COL7A1: variants seen among roughly 807,000 people sequenced by gnomAD.
COL7A1 encodes the protein collagen type VII alpha 1 chain, also known as collagen alpha-1(VII) chain.
A neutral mutation model predicts 456.2 loss-of-function variants in COL7A1; 296 were observed. The observed-to-expected ratio is 0.65, with a 90% CI of 0.59 to 0.71. The LOEUF (loss-of-function observed/expected upper bound fraction) is 0.71, where lower values mean the gene tolerates loss of function less well. Among genes scored for constraint, COL7A1 ranks in the 30% least tolerant of loss-of-function variants. COL7A1 has a pLI of 0.00. For synonymous variants in COL7A1, 1,464 were observed against 1,525.9 expected, an observed-to-expected ratio of 0.96 and a Z score of 0.95; for missense variants, 3,441 against 4,017.2, an observed-to-expected ratio of 0.86 and a Z score of 3.88.
rs2045905846 is a variant in COL7A1 at position 48,594,166 on chromosome 3, G to A, written c.266+202C>T. Reference sequence around the variant, plus strand: ...GCACCTTCCTGTCTTGCAGTAGCCTGGAGGTGCCTCAGGGCACGAAGGTTC... The same window carrying A: ...GCACCTTCCTGTCTTGCAGTAGCCTAGAGGTGCCTCAGGGCACGAAGGTTC... On this transcript the variant is annotated intron_variant, in intron 3 of 118. Coordinates refer to ENST00000681320, the MANE Select transcript of COL7A1 (RefSeq NM_000094.4). The surrounding 1 kb of genome is among the most constrained non-coding windows in gnomAD (Gnocchi z 5.5). Among the ~76,000 whole-genome samples the A allele has an allele frequency of 1.3e-5, 2 of 152,226 alleles. No homozygotes were observed. Among genetic ancestry groups the A allele is most frequent in the Admixed American group, 1.3e-4 (2 of 15,290 alleles).
chr3:48,592,860 G>A lies in COL7A1; in HGVS notation c.761C>T (p.Ala254Val), dbSNP rs201916805. ...GTAGCCAGTCACAGGGCCACTGGCC[G>A]CTGTCCACTGTACTCTCAAGGATTG... The part of the protein sequence containing the change: ...SSQSLRVQWT[A>V]ASGPVTGYKV... Residue 254 changes from alanine to valine, a missense_variant, in exon 7 of 119, where the codon GCG (alanine) becomes GTG (valine). By Grantham distance (64) the Ala-to-Val change is moderately conservative (BLOSUM62 0). Coordinates refer to ENST00000681320, the MANE Select transcript of COL7A1 (RefSeq NM_000094.4). This position sits in a 1 kb window ranked among gnomAD's most constrained non-coding sequence, Gnocchi z 7.6. 142 of 1,613,972 alleles carry A rather than the reference G, an allele frequency of 8.8e-5. No homozygotes were observed. The East Asian group carries it at 2.2e-3, about 25-fold the overall frequency.
chr3:48,593,732 C>G lies in COL7A1; in HGVS notation c.267-36G>C, dbSNP rs1178653071. On this transcript the variant is annotated intron_variant, in intron 3 of 118. Coordinates refer to ENST00000681320, the MANE Select transcript of COL7A1 (RefSeq NM_000094.4). The surrounding 1 kb of genome is among the most constrained non-coding windows in gnomAD (Gnocchi z 4.4). ...GTAGGGGTGGCAACAGGCTAGGACT[C>G]AGGATCTCTTCTGGCCCTGGCCTTG... is the stretch of plus-strand genomic sequence containing the variant. 6.2e-7 allele frequency: 1 copy of G among 1,613,904 alleles called. No individual in the cohort carries two copies. The highest frequency in any genetic ancestry group is 2.2e-5 in the East Asian group (1 of 44,896).
At position 48,574,199 on chromosome 3, in the gene COL7A1, AG is replaced by A. The variant is rs2044128275; in HGVS notation, c.6501+62del. 1.9e-6 allele frequency: 3 copies of A among 1,561,442 alleles called. No homozygotes were observed. Among genetic ancestry groups the A allele is most frequent in the East Asian group, 2.2e-5 (1 of 44,634 alleles). On this transcript the variant is annotated intron_variant, in intron 80 of 118. Transcript: ENST00000681320. The surrounding 1 kb of genome is among the most constrained non-coding windows in gnomAD (Gnocchi z 5.0). Reference sequence around the variant, plus strand: ...CACACACACAGACATGCACACACACAGCAGCAGCAGCACCTAGCGGAGGGTC... The same window carrying A: ...CACACACACAGACATGCACACACACACAGCAGCAGCACCTAGCGGAGGGTC...
intron 1 of COL7A1, 31 bp from the exon 2 acceptor site, chr3:48,595,191 C>G: frequency 2.6e-6 from 4 of 1,530,814 alleles, no homozygotes; most frequent in Non-Finnish European, 3.5e-6. Flanking sequence ...GCTAGGACCC[C>G]CGCCTCTGTC....
Position 48,593,663 on chromosome 3 carries a change from C to T in COL7A1, c.300G>A (p.Gly100=), listed in dbSNP as rs1575495659. ...TEFGLDALGS[G]GDVIRAIREL... is the part of the protein sequence containing the mutation. ...CACGGATGGCGCGGATCACATCACC[C>T]CCAGAGCCAAGTGCATCCAGGCCGA... The change falls in exon 4 of 119, where the codon GGG becomes GGA. Residue 100 remains glycine, a synonymous_variant. Coordinates refer to ENST00000681320, the MANE Select transcript of COL7A1 (RefSeq NM_000094.4). This position sits in a 1 kb window ranked among gnomAD's most constrained non-coding sequence, Gnocchi z 4.4. The T allele has an allele frequency of 2.5e-6, 4 of 1,614,218 alleles. No individual in the cohort carries two copies. Among genetic ancestry groups the T allele is most frequent in the Non-Finnish European group, 2.5e-6 (3 of 1,180,036 alleles).
At position 48,594,176 on chromosome 3, in the gene COL7A1, C is replaced by T. The variant is rs1184365269; in HGVS notation, c.266+192G>A. 6.6e-6 allele frequency among the ~76,000 whole-genome samples: 1 copy of T among 152,230 alleles called. No homozygotes were observed. Among genetic ancestry groups the T allele is most frequent in the Non-Finnish European group, 1.5e-5 (1 of 68,028 alleles). On this transcript the variant is annotated intron_variant, in intron 3 of 118. Coordinates refer to ENST00000681320, the MANE Select transcript of COL7A1 (RefSeq NM_000094.4). The surrounding 1 kb of genome is among the most constrained non-coding windows in gnomAD (Gnocchi z 5.5). ...GTCTTGCAGTAGCCTGGAGGTGCCT[C>T]AGGGCACGAAGGTTCTACCTAGGGA...
rs2107792256 is a variant in COL7A1, at chr3:48,592,263, C to T, written c.1094-15G>A. 6.2e-7 allele frequency: 1 copy of T among 1,613,810 alleles called. No individual in the cohort carries two copies. The highest frequency in any genetic ancestry group is 8.5e-7 in the Non-Finnish European group (1 of 1,179,980). On this transcript the variant is annotated splice_polypyrimidine_tract_variant and intron_variant, in intron 9 of 118. Transcript: ENST00000681320. This position sits in a 1 kb window ranked among gnomAD's most constrained non-coding sequence, Gnocchi z 7.6. ...TGTGGGCCCACCTGCATGGGGGACA[C>T]CAAGGGGCCAGTGGGCCTTGCAGAC...
chr3:48,567,377 C>T lies in COL7A1; in HGVS notation c.8047-187G>A, dbSNP rs2043653871. The T allele has an allele frequency of 1.1e-6, 1 of 923,188 alleles. No homozygotes were observed. 57.2% of individuals were successfully genotyped at this position (923,188 alleles called of 1,614,324 possible). ...AGCCCCCTGCCCTGATGCACATGCC[C>T]CCTCCACCTCCCATGCTTTCATCCT... On this transcript the variant is annotated intron_variant, in intron 109 of 118. Coordinates refer to ENST00000681320, the MANE Select transcript of COL7A1 (RefSeq NM_000094.4). The surrounding 1 kb of genome is among the most constrained non-coding windows in gnomAD (Gnocchi z 4.3).
chr3:48,585,078 G>C lies in COL7A1; in HGVS notation c.3933C>G (p.Gly1311=). 6.2e-7 allele frequency: 1 copy of C among 1,612,252 alleles called. No individual in the cohort carries two copies. The change falls in exon 33 of 119, where the codon GGC becomes GGG. Residue 1311 remains glycine (G), a synonymous_variant. Coordinates refer to ENST00000681320, the MANE Select transcript of COL7A1 (RefSeq NM_000094.4). The surrounding 1 kb of genome is among the most constrained non-coding windows in gnomAD (Gnocchi z 4.5). ...PGADGRPGSP[G]RAGNPGTPGA... ...CAGGGGTCCCAGGATTCCCGGCGCGGCCAGGGCTGCCTGGACGCCCATCTG... is the reference window on the plus strand; with the variant it reads ...CAGGGGTCCCAGGATTCCCGGCGCGCCCAGGGCTGCCTGGACGCCCATCTG...
In COL7A1 at chr3:48,585,155, C is replaced by A. The variant is rs1411965646; in HGVS notation, c.3895-39G>T. On this transcript the variant is annotated intron_variant, in intron 32 of 118. Transcript: ENST00000681320. This position sits in a 1 kb window ranked among gnomAD's most constrained non-coding sequence, Gnocchi z 4.5. Reference sequence around the variant, plus strand: ...GAGGTCAGGACAGGAAGGGACCCTCCCCCAAGGCCCCTGGTTTGCTGGAGG... The same window carrying A: ...GAGGTCAGGACAGGAAGGGACCCTCACCCAAGGCCCCTGGTTTGCTGGAGG... 1 of 1,598,396 alleles carries A rather than the reference C, an allele frequency of 6.3e-7. No individual in the cohort carries two copies. The highest frequency in any genetic ancestry group is 8.5e-7 in the Non-Finnish European group (1 of 1,172,064).
In COL7A1 at chr3:48,592,173, T is replaced by A; in HGVS notation, c.1169A>T (p.Asp390Val). ...VLLRDLEPGT[D>V]YEVTVSTLFG... ...TAGGGTGCTCACGGTCACCTCATAG[T>A]CCGTGCCAGGCTCCAAGTCACGCAG... Residue 390 changes from aspartate (D) to valine (V), a missense_variant, in exon 10 of 119, where the codon GAC becomes GTC. By Grantham distance (152) the Asp-to-Val change is radical. Coordinates refer to ENST00000681320, the MANE Select transcript of COL7A1 (RefSeq NM_000094.4). This position sits in a 1 kb window ranked among gnomAD's most constrained non-coding sequence, Gnocchi z 7.6. The A allele has an allele frequency of 6.2e-7, 1 of 1,614,080 alleles. No individual in the cohort carries two copies. Among genetic ancestry groups the A allele is most frequent in the Non-Finnish European group, 8.5e-7 (1 of 1,180,036 alleles).
At position 48,574,255 on chromosome 3, in the gene COL7A1, C is replaced by T. The variant is rs2044133950; in HGVS notation, c.6501+7G>A. 4 of 1,614,032 alleles carry T rather than the reference C, an allele frequency of 2.5e-6. No individual in the cohort carries two copies. The highest frequency in any genetic ancestry group is 1.1e-5 in the South Asian group (1 of 91,082). Reference sequence around the variant, plus strand: ...GCCTGGGGCCAGGTGCTTCAGCCACCACTCACCGGCTTCCCTTCAGGCCCA... The same window carrying T: ...GCCTGGGGCCAGGTGCTTCAGCCACTACTCACCGGCTTCCCTTCAGGCCCA... On this transcript the variant is annotated splice_region_variant and intron_variant, in intron 80 of 118. Transcript: ENST00000681320. This position sits in a 1 kb window ranked among gnomAD's most constrained non-coding sequence, Gnocchi z 5.0.
In COL7A1 at chr3:48,569,659, A is replaced by G; in HGVS notation, c.7558-11T>C. 6.2e-7 allele frequency: 1 copy of G among 1,613,980 alleles called. No homozygotes were observed. Among genetic ancestry groups the G allele is most frequent in the African/African-American group, 1.3e-5 (1 of 75,008 alleles). ...CACAGCTGAGTCTCCCTGAGGGGGC[A>G]GGCAGGAATCAGAGGAGTCGGGAGC... is the stretch of plus-strand genomic sequence containing the variant. On this transcript the variant is annotated splice_polypyrimidine_tract_variant and intron_variant, in intron 101 of 118. Coordinates refer to ENST00000681320, the MANE Select transcript of COL7A1 (RefSeq NM_000094.4). The surrounding 1 kb of genome is among the most constrained non-coding windows in gnomAD (Gnocchi z 4.9).
intron 37 of COL7A1, 55 bp downstream of exon 37, chr3:48,584,243 G>A: frequency 6.4e-7 from 1 of 1,556,342 alleles, no homozygotes; most frequent in South Asian, 1.2e-5. Context: ...GGGTTATGTG[G>A]GTTCAAATGG....
At chr3:48,589,253 T>A (rs2045519405) in intron 18 of COL7A1, 74 bp downstream of exon 18, 1 of 1,603,614 alleles carries the variant, frequency 6.2e-7, no homozygotes, top group Non-Finnish European at 8.5e-7. Flanking sequence ...TGGAGGCAGC[T>A]GGGCAATCAG....
In COL7A1 at chr3:48,595,257, C is replaced by A; in HGVS notation, c.-2+11G>T. The A allele has an allele frequency of 1.0e-6, 1 of 975,238 alleles. No homozygotes were observed. The highest frequency in any genetic ancestry group is 1.4e-5 in the South Asian group (1 of 72,568). 60.4% of individuals were successfully genotyped at this position (975,238 alleles called of 1,614,324 possible). A position where few individuals can be genotyped will look rare whatever the true frequency, so the allele number is the denominator to read the frequency against. ...AGCCCAGCGCCCCTCCAGCCCGAGT[C>A]CTGGTCTTGCCTGCGCGTCCGCCCG... On this transcript the variant is annotated intron_variant, in intron 1 of 118. Coordinates refer to ENST00000681320, the MANE Select transcript of COL7A1 (RefSeq NM_000094.4).
chr3:48,582,186 A>G, intron 47 of COL7A1, 137 bp downstream of exon 47: 2 of 1,515,150 alleles, frequency 1.3e-6, no homozygotes, highest in East Asian at 2.3e-5. Flanking sequence ...GGCAGGTTCT[A>G]GCAGAAGGAG....
Position 48,588,953 on chromosome 3 carries a change from T to C in COL7A1, c.2357A>G (p.Asn786Ser), listed in dbSNP as rs768157359. 2.5e-6 allele frequency: 4 copies of C among 1,613,526 alleles called. No individual in the cohort carries two copies. The highest frequency in any genetic ancestry group is 4.5e-5 in the East Asian group (2 of 44,880). The change falls in exon 19 of 119, where the codon AAT becomes AGT. Residue 786 changes from asparagine (N) to serine (S), a missense_variant. Physicochemically the swap from Asn to Ser is conservative, Grantham distance 46. Around this residue, in one of 3 missense-constraint regions of COL7A1, gnomAD observed 913 missense variants for 1,088.2 expected, o/e 0.84. Transcript: ENST00000681320. This position sits in a 1 kb window ranked among gnomAD's most constrained non-coding sequence, Gnocchi z 4.6. Reference protein sequence around the residue: ...VGRVSRLQILNASSDVLRITW... With the variant: ...VGRVSRLQILSASSDVLRITW... ...GATCCGTAGAACGTCGCTGGAAGCA[T>C]TGAGGATCTGCAGCCTCGACACACG...
Position 48,575,158 on chromosome 3 carries a change from C to A in COL7A1, c.6217-32G>T. 6.2e-7 allele frequency: 1 copy of A among 1,613,874 alleles called. No homozygotes were observed. The highest frequency in any genetic ancestry group is 1.1e-5 in the South Asian group (1 of 91,066). ...GAAACAAGAAAATGGGGTGGCAGCCCCAGCACAGCCTCCAGACAGCCTGCC... is the reference window on the plus strand; with the variant it reads ...GAAACAAGAAAATGGGGTGGCAGCCACAGCACAGCCTCCAGACAGCCTGCC... On this transcript the variant is annotated intron_variant, in intron 75 of 118. Coordinates refer to ENST00000681320, the MANE Select transcript of COL7A1 (RefSeq NM_000094.4). The surrounding 1 kb of genome is among the most constrained non-coding windows in gnomAD (Gnocchi z 6.3).
Sources: gnomAD v4.1 joint callset for allele counts (sites outside exome capture counted in the v4.1 genomes callset) on GRCh38, gnomAD v4.1.1 for gene constraint, gnomAD v4.1.1 regional missense constraint, Gnocchi (gnomAD v3.1) non-coding constraint, MANE v1.5 for transcripts, NCBI Gene and HGNC (gene_info 2026-07-23, HGNC 2026-07-21) for gene names.